MYT1L: variants seen among roughly 807,000 people sequenced by gnomAD.
MYT1L encodes the protein myelin transcription factor 1-like protein.
In MYT1L, 12 loss-of-function variants were observed where a neutral mutation model predicts 126.7. The observed-to-expected ratio is 0.09, with a 90% CI of 0.06 to 0.15. The LOEUF is 0.15. MYT1L is among the 10% of genes least tolerant of loss of function. The pLI is 1.00. For synonymous variants in MYT1L, 541 were observed against 604.2 expected, an observed-to-expected ratio of 0.90 and a Z score of 1.53; for missense variants, 979 against 1,585.2, an observed-to-expected ratio of 0.62 and a Z score of 6.49.
At position 1,929,752 on chromosome 2, in the gene MYT1L, GAAT is replaced by G. The variant is rs2054706532; in HGVS notation, c.506-6492_506-6490del. Among the ~76,000 whole-genome samples the G allele has an allele frequency of 6.6e-6, 1 of 152,204 alleles. No individual in the cohort carries two copies. Among genetic ancestry groups the G allele is most frequent in the Non-Finnish European group, 1.5e-5 (1 of 68,050 alleles). The stretch of plus-strand genomic sequence containing the variant: ...TTTCTTTGAATTTTAGTGCTAGATA[GAAT>G]TATTGAGATCATGCCTTCAAAATTT... On this transcript the variant is annotated intron_variant, in intron 9 of 24. Coordinates refer to ENST00000647738, the MANE Select transcript of MYT1L (RefSeq NM_001303052.2). This position sits in a 1 kb window ranked among gnomAD's most constrained non-coding sequence, Gnocchi z 4.7.
Position 1,917,395 on chromosome 2 carries a change from T to C in MYT1L, c.1484-56A>G. 6.5e-7 allele frequency: 1 copy of C among 1,545,344 alleles called. No individual in the cohort carries two copies. Among genetic ancestry groups the C allele is most frequent in the East Asian group, 2.3e-5 (1 of 44,030 alleles). ...AATGTTTACCAATCAAAGACAAATG[T>C]GATTATTTCACAATCTGAAGAAACC... is the stretch of plus-strand genomic sequence containing the variant. On this transcript the variant is annotated intron_variant, in intron 10 of 24. Transcript: ENST00000647738. This position sits in a 1 kb window ranked among gnomAD's most constrained non-coding sequence, Gnocchi z 5.9.
intron 21 of MYT1L, among the ~76,000 whole-genome samples, chr2:1,819,601 G>A (rs2038213568): frequency 6.6e-6 from 1 of 152,176 alleles, no homozygotes; most frequent in African/African-American, 2.4e-5. Flanking sequence ...TGCTACACTC[G>A]GGCCCTGCCA....
chr2:2,197,977 TAAC>T (rs1333653312), intron 2 of MYT1L, among the ~76,000 whole-genome samples: 1 of 149,798 alleles, frequency 6.7e-6, no homozygotes, highest in Non-Finnish European at 1.5e-5. Flanking sequence ...TAGGTATAAA[TAAC>T]ATACATATAT....
chr2:1,933,039 C>T (rs2055236124), intron 9 of MYT1L, among the ~76,000 whole-genome samples: 1 of 152,086 alleles, frequency 6.6e-6, no homozygotes, highest in Non-Finnish European at 1.5e-5. Flanking sequence ...CACGGAGGAC[C>T]TCTGAGTGAC....
intron 1 of MYT1L, among the ~76,000 whole-genome samples, chr2:2,291,642 C>T (rs1412804642): frequency 2.0e-5 from 3 of 152,306 alleles, no homozygotes; most frequent in East Asian, 3.9e-4. Context: ...TTCTGAGTCC[C>T]GGCGCCGTGG....
At chr2:2,309,673 C>CA (rs1362084524) in intron 1 of MYT1L, among the ~76,000 whole-genome samples, 4 of 151,036 alleles carry the variant, frequency 2.6e-5, no homozygotes, top group Non-Finnish European at 5.9e-5. Flanking sequence ...GTACATTCTA[C>CA]TTCACCTAAA....
rs1156824556 is a variant in MYT1L, at chr2:1,791,307, G to A, written c.*560C>T. The stretch of plus-strand genomic sequence containing the variant: ...AAGTCACATAATATTTCCAAGCATT[G>A]TTCAAAAATAAAGCATTTTTGCAAC... On this transcript the variant is annotated 3_prime_UTR_variant, in exon 25 of 25. Transcript: ENST00000647738. The surrounding 1 kb of genome is among the most constrained non-coding windows in gnomAD (Gnocchi z 6.0). 6.6e-6 allele frequency: 3 copies of A among 452,906 alleles called. No homozygotes were observed. The highest frequency in any genetic ancestry group is 5.0e-5 in the South Asian group (3 of 60,198). The allele number at this position is 452,906 out of a possible 1,614,324, so 28.1% of individuals were successfully genotyped here. A position where few individuals can be genotyped will look rare whatever the true frequency, so the allele number is the denominator to read the frequency against.
At chr2:1,870,861 C>T (rs903759077) in intron 18 of MYT1L, among the ~76,000 whole-genome samples, 4 of 152,168 alleles carry the variant, frequency 2.6e-5, no homozygotes, top group Non-Finnish European at 5.9e-5. Context: ...CTAAAGTGTC[C>T]TACGTGTGGA....
chr2:2,079,988 A>G (rs2075647489), intron 3 of MYT1L, among the ~76,000 whole-genome samples: 1 of 152,220 alleles, frequency 6.6e-6, no homozygotes, highest in South Asian at 2.1e-4. Flanking sequence ...TGATCAATGA[A>G]ATAGAATGGG....
chr2:2,131,060 T>C (rs2082298149), intron 3 of MYT1L, among the ~76,000 whole-genome samples: 1 of 152,200 alleles, frequency 6.6e-6, no homozygotes, highest in Non-Finnish European at 1.5e-5. Context: ...TGTGTTGCGA[T>C]ACCTTATGGA....
At chr2:1,952,832 C>T (rs1260520740) in intron 8 of MYT1L, among the ~76,000 whole-genome samples, 1,187 of 71,552 alleles carry the variant, frequency 0.017, 43 homozygotes, top group Non-Finnish European at 0.02. Context: ...TCCCTCCCTC[C>T]TTCCCTTACC....
Position 1,886,298 on chromosome 2 carries a change from C to T in MYT1L, c.2711+241G>A, listed in dbSNP as rs4241294. On this transcript the variant is annotated intron_variant, in intron 18 of 24. Transcript: ENST00000647738. The stretch of plus-strand genomic sequence containing the variant: ...AGAAAACACCCATGCTTTAGGATAT[C>T]CCAGATAGGAAGGATATGATATGAA... 0.93 allele frequency: 348,722 copies of T among 374,246 alleles called. 162,698 individuals are homozygous for T. The highest frequency in any genetic ancestry group is 1 in the East Asian group (25,592 of 25,598). The allele number at this position is 374,246 out of a possible 1,614,324, so 23.2% of individuals were successfully genotyped here.
In MYT1L at chr2:1,851,945, A is replaced by G. The variant is rs7421372; in HGVS notation, c.2712-242T>C. On this transcript the variant is annotated intron_variant, in intron 18 of 24. Transcript: ENST00000647738. Reference sequence around the variant, plus strand: ...CCACAGTCTCTGGAGCAGATGCCGCACTTTTGGTCCCTAGGCTGCTCATTC... The same window carrying G: ...CCACAGTCTCTGGAGCAGATGCCGCGCTTTTGGTCCCTAGGCTGCTCATTC... 0.46 allele frequency among the ~76,000 whole-genome samples: 70,540 copies of G among 151,890 alleles called. 17,344 individuals carry two copies. The highest frequency in any genetic ancestry group is 0.67 in the Middle Eastern group (196 of 294).
At chr2:2,114,823 G>A (rs936727841) in intron 3 of MYT1L, among the ~76,000 whole-genome samples, 1 of 152,206 alleles carries the variant, frequency 6.6e-6, no homozygotes, top group Non-Finnish European at 1.5e-5. Flanking sequence ...TGCTGCTTCA[G>A]TCTGGGCTTT....
chr2:2,149,056 C>T (rs182129069), intron 3 of MYT1L, among the ~76,000 whole-genome samples: 99 of 152,168 alleles, frequency 6.5e-4, no homozygotes, highest in Admixed American at 2.7e-3. Context: ...CAATATTGCT[C>T]TTAGTTTGCT....
intron 3 of MYT1L, among the ~76,000 whole-genome samples, chr2:2,145,359 C>T (rs534900185): frequency 1.2e-3 from 181 of 152,262 alleles, no homozygotes; most frequent in African/African-American, 4.1e-3. Context: ...CTGAACACGC[C>T]GTCCAGCGCT....
rs2031939922 is a variant in MYT1L, at chr2:1,790,758, A to T, written c.*1109T>A. The T allele has an allele frequency of 6.4e-6, 1 of 155,378 alleles. No homozygotes were observed. The allele number at this position is 155,378 out of a possible 1,614,324, so 9.6% of individuals were successfully genotyped here. ...CCAGATCCAGCAGAAAACTCGGTCCAGTAACTAGAAGACTCACAAATCATT... is the reference window on the plus strand; with the variant it reads ...CCAGATCCAGCAGAAAACTCGGTCCTGTAACTAGAAGACTCACAAATCATT... On this transcript the variant is annotated 3_prime_UTR_variant, in exon 25 of 25. Transcript: ENST00000647738.
chr2:1,922,335 T>C lies in MYT1L; in HGVS notation c.1434A>G (p.Arg478=). 1 of 1,614,024 alleles carries C rather than the reference T, an allele frequency of 6.2e-7. No individual in the cohort carries two copies. The highest frequency in any genetic ancestry group is 8.5e-7 in the Non-Finnish European group (1 of 1,179,896). The part of the protein sequence containing the change: ...QSPRQLPGED[R]KPKSSDSHVK... ...CATGGCTGTCACTGGATTTAGGCTT[T>C]CTGTCCTCCCCGGGAAGTTGTCTCG... Residue 478 remains arginine (R), a synonymous_variant, in exon 10 of 25, where the codon AGA becomes AGG. Transcript: ENST00000647738. The surrounding 1 kb of genome is among the most constrained non-coding windows in gnomAD (Gnocchi z 7.4).
chr2:2,210,223 T>G (rs2093456257), intron 2 of MYT1L, among the ~76,000 whole-genome samples: 1 of 152,214 alleles, frequency 6.6e-6, no homozygotes, highest in South Asian at 2.1e-4. Context: ...ACTTTTTCCT[T>G]TGCTGCGCAG....
Sources: gnomAD v4.1 joint callset for allele counts (sites outside exome capture counted in the v4.1 genomes callset) on GRCh38, gnomAD v4.1.1 for gene constraint, Gnocchi (gnomAD v3.1) non-coding constraint, MANE v1.5 for transcripts, NCBI Gene and HGNC (gene_info 2026-07-23, HGNC 2026-07-21) for gene names.